The following CHD6 variants were observed in gnomAD, a reference collection of about 807,000 sequenced individuals.
The protein encoded by CHD6 is ATP-dependent chromatin remodeler CHD6.
In CHD6, 50 loss-of-function variants were observed where a neutral mutation model predicts 276.9. That is an observed-to-expected ratio of 0.18 (90% CI 0.14 to 0.23). The LOEUF is 0.23. CHD6 is among the 10% of genes least tolerant of loss of function. The probability of loss-of-function intolerance (pLI) is 1.00; values close to 1 mark genes in which losing one functional copy is unlikely to be tolerated. For synonymous variants in CHD6, 1,173 were observed against 1,229.3 expected (o/e 0.95, Z 0.96); for missense variants, 2,564 against 3,365.8 (o/e 0.76, Z 5.89).
intron 1 of CHD6, among the ~76,000 whole-genome samples, chr20:41,608,944 CAG>C (rs1601193606): frequency 6.6e-6 from 1 of 152,178 alleles, no homozygotes; most frequent in South Asian, 2.1e-4. Flanking sequence ...TAAAAATGGA[CAG>C]AGTGTGGTTA....
intron 1 of CHD6, among the ~76,000 whole-genome samples, chr20:41,568,798 T>A (rs2045386429): frequency 6.6e-6 from 1 of 152,192 alleles, no homozygotes; most frequent in African/African-American, 2.4e-5. Context: ...TACATCAAAT[T>A]ACCTTTGCAA....
Position 41,602,127 on chromosome 20 carries a change from A to G in CHD6, c.-24+16213T>C, listed in dbSNP as rs377648157. 3.7e-4 allele frequency among the ~76,000 whole-genome samples: 57 copies of G among 152,314 alleles called. 1 individual carries two copies. The South Asian group carries it at 0.011, about 30-fold the overall frequency. On this transcript the variant is annotated intron_variant, in intron 1 of 36. Coordinates refer to ENST00000373233, the MANE Select transcript of CHD6 (RefSeq NM_032221.5). ...CGTGGTGCTCTATCTCCTTTTGGTTAGCAGATTAATGAGAGCAAACTGATC... is the reference window on the plus strand; with the variant it reads ...CGTGGTGCTCTATCTCCTTTTGGTTGGCAGATTAATGAGAGCAAACTGATC...
At chr20:41,589,473 C>G (rs1362995052) in intron 1 of CHD6, among the ~76,000 whole-genome samples, 1 of 152,202 alleles carries the variant, frequency 6.6e-6, no homozygotes. Flanking sequence ...AAAACCCCAT[C>G]ATCTCAGTCC....
At chr20:41,535,385 T>C (rs946999913) in intron 2 of CHD6, among the ~76,000 whole-genome samples, 1 of 152,126 alleles carries the variant, frequency 6.6e-6, no homozygotes, top group African/African-American at 2.4e-5. Flanking sequence ...TACAGAGAAA[T>C]GGAAGATTAG....
At chr20:41,460,614 T>G (rs1474343659) in intron 17 of CHD6, among the ~76,000 whole-genome samples, 1 of 152,238 alleles carries the variant, frequency 6.6e-6, no homozygotes, top group Non-Finnish European at 1.5e-5. Flanking sequence ...CACGTGGTGT[T>G]GAGCCTGAGG....
intron 31 of CHD6, 120 bp downstream of exon 31, chr20:41,420,387 AG>A: frequency 9.4e-7 from 1 of 1,064,506 alleles, no homozygotes. Flanking sequence ...ACCTTTGGTG[AG>A]GGTAGGCAGG....
chr20:41,469,158 C>A (rs2042997065), intron 17 of CHD6, among the ~76,000 whole-genome samples: 2 of 152,124 alleles, frequency 1.3e-5, no homozygotes, highest in South Asian at 4.2e-4. Flanking sequence ...TCTGGACTCC[C>A]AACTGACTTC....
In CHD6 at chr20:41,405,329, C is replaced by T. The variant is rs147104012; in HGVS notation, c.7412G>A (p.Gly2471Glu). The change falls in exon 37 of 37, where the codon GGA (glycine) becomes GAA (glutamate). Residue 2471 changes from glycine to glutamate, a missense_variant. By Grantham distance (98) the Gly-to-Glu change is moderately conservative. Transcript: ENST00000373233. ...TACCAGGTCCATCCCAGCAATCAGT[C>T]CATTCATGAACAGTGGCCCCATTCC... ...PSGMGPLFMN[G>E]LIAGMDLVGL... The T allele has an allele frequency of 7.4e-6, 12 of 1,614,112 alleles. No individual in the cohort carries two copies. Among genetic ancestry groups the T allele is most frequent in the Non-Finnish European group, 9.3e-6 (11 of 1,180,052 alleles).
Position 41,497,422 on chromosome 20 carries a change from T to G in CHD6, c.1054A>C (p.Arg352=). 6.2e-7 allele frequency: 1 copy of G among 1,613,836 alleles called. No individual in the cohort carries two copies. Among genetic ancestry groups the G allele is most frequent in the South Asian group, 1.1e-5 (1 of 91,074 alleles). Residue 352 remains arginine (R), a synonymous_variant, in exon 8 of 37, where the codon AGG becomes CGG. Coordinates refer to ENST00000373233, the MANE Select transcript of CHD6 (RefSeq NM_032221.5). ...PRIAQKIKRF[R]NKQAQMKHIF... Reference sequence around the variant, plus strand: ...TGCTTCATCTGGGCTTGTTTATTCCTAAATCGCTTGATCTTCTGTGCGATG... The same window carrying G: ...TGCTTCATCTGGGCTTGTTTATTCCGAAATCGCTTGATCTTCTGTGCGATG...
At chr20:41,564,524 AG>A (rs2045335109) in intron 1 of CHD6, among the ~76,000 whole-genome samples, 2 of 152,280 alleles carry the variant, frequency 1.3e-5, no homozygotes, top group South Asian at 4.1e-4. Flanking sequence ...GGGACAGGAG[AG>A]GGTCAACTAT....
At chr20:41,445,999 G>C (rs926417354) in intron 24 of CHD6, among the ~76,000 whole-genome samples, 61 of 152,198 alleles carry the variant, frequency 4.0e-4, no homozygotes, top group African/African-American at 1.4e-3. Flanking sequence ...GACTGACACA[G>C]TCTTGAAGCA....
At chr20:41,430,529 G>T (rs149317001) in intron 27 of CHD6, among the ~76,000 whole-genome samples, 1 of 152,136 alleles carries the variant, frequency 6.6e-6, no homozygotes, top group Non-Finnish European at 1.5e-5. Flanking sequence ...ACTACGAAAA[G>T]AATACTTGAC....
chr20:41,452,555 C>T lies in CHD6; in HGVS notation c.3323+185G>A, dbSNP rs564359686. Among the ~76,000 whole-genome samples the T allele has an allele frequency of 5.3e-5, 8 of 152,236 alleles. No individual in the cohort carries two copies. The highest frequency in any genetic ancestry group is 1.3e-4 in the Admixed American group (2 of 15,292). The stretch of plus-strand genomic sequence containing the variant: ...TCATGGCATGTCTGCATTGTGGTTG[C>T]GGAGCATACGGTGACTGAGACGGAT... On this transcript the variant is annotated intron_variant, in intron 21 of 36. Coordinates refer to ENST00000373233, the MANE Select transcript of CHD6 (RefSeq NM_032221.5). The surrounding 1 kb of genome is among the most constrained non-coding windows in gnomAD (Gnocchi z 4.2).
At chr20:41,550,457 G>C (rs1051594473) in intron 2 of CHD6, among the ~76,000 whole-genome samples, 2 of 152,164 alleles carry the variant, frequency 1.3e-5, no homozygotes, top group African/African-American at 2.4e-5. Flanking sequence ...GGACAGACCA[G>C]GGGGTAGTCC....
chr20:41,504,935 T>C (rs1274711034), intron 5 of CHD6, among the ~76,000 whole-genome samples: 2 of 152,190 alleles, frequency 1.3e-5, no homozygotes, highest in African/African-American at 4.8e-5. Context: ...ACTACAAGTA[T>C]TTCCCATTTT....
chr20:41,514,726 G>C lies in CHD6; in HGVS notation c.702+79C>G. The C allele has an allele frequency of 4.6e-6, 7 of 1,505,818 alleles. No individual in the cohort carries two copies. The South Asian group carries it at 8.6e-5, about 19-fold the overall frequency. The allele number at this position is 1,505,818 out of a possible 1,614,324, so 93.3% of individuals were successfully genotyped here. A position where few individuals can be genotyped will look rare whatever the true frequency, so the allele number is the denominator to read the frequency against. ...AGGGAGTGTGCTAGAGAAAGGCATA[G>C]AGGAGCAACACGATCAGTGTCAGCC... On this transcript the variant is annotated intron_variant, in intron 4 of 36. Coordinates refer to ENST00000373233, the MANE Select transcript of CHD6 (RefSeq NM_032221.5).
intron 10 of CHD6, among the ~76,000 whole-genome samples, chr20:41,492,987 T>C (rs2043591940): frequency 6.6e-6 from 1 of 152,220 alleles, no homozygotes; most frequent in South Asian, 2.1e-4. Flanking sequence ...TATATACTTC[T>C]CAGGCGCCCT....
intron 1 of CHD6, among the ~76,000 whole-genome samples, chr20:41,559,866 TAC>T (rs144874201): frequency 6.6e-6 from 1 of 151,444 alleles, no homozygotes; most frequent in African/African-American, 2.4e-5. Context: ...GTACCACCTT[TAC>T]ACACACACAC....
intron 3 of CHD6, 98 bp from the exon 4 acceptor site, chr20:41,515,050 G>T (rs1394509408): frequency 3.9e-6 from 5 of 1,294,656 alleles, no homozygotes; most frequent in Non-Finnish European, 5.4e-6. Flanking sequence ...GGAATTCTAG[G>T]ACCAGGGCAG....
Sources: gnomAD v4.1 joint callset for allele counts (sites outside exome capture counted in the v4.1 genomes callset) on GRCh38, gnomAD v4.1.1 for gene constraint, Gnocchi (gnomAD v3.1) non-coding constraint, MANE v1.5 for transcripts, NCBI Gene and HGNC (gene_info 2026-07-23, HGNC 2026-07-21) for gene names.